C1orf232: variants seen among roughly 807,000 people sequenced by gnomAD.
C1orf232 encodes uncharacterized protein C1orf232.
A neutral mutation model predicts 12.1 loss-of-function variants in C1orf232; 10 were observed. The observed-to-expected ratio is 0.82, with a 90% CI of 0.51 to 1.40. The LOEUF is 1.40. C1orf232 is among the 40% of genes most tolerant of loss of function. C1orf232 has a pLI of 0.00. For missense variants in C1orf232, 88 were observed against 98.4 expected (o/e 0.89, Z 0.45); for synonymous variants, 36 against 39.8 (o/e 0.90, Z 0.36).
rs2088449522 is a variant in C1orf232 at position 26,168,480 on chromosome 1, T to C, written c.20A>G (p.Lys7Arg). 5.7e-6 allele frequency: 7 copies of C among 1,231,832 alleles called. No homozygotes were observed. In the South Asian group the frequency reaches 2.9e-4, roughly 51 times the overall value. 76.3% of individuals were successfully genotyped at this position (1,231,832 alleles called of 1,614,324 possible). Residue 7 changes from lysine (K) to arginine (R), a missense_variant, in exon 1 of 4, where the codon AAA becomes AGA. Coordinates refer to ENST00000634842, the MANE Select transcript of C1orf232 (RefSeq NM_001364669.2). ...CTGTAGCACTTTGGACTTGTAGGTT[T>C]TCCAGAAGGCCTGGTTCATGGCTGC... MNQAFWKTYKSKVLQTL... is the reference protein window; with the variant it reads MNQAFWRTYKSKVLQTL...
At chr1:26,166,920 AAAC>A (rs2088433708) in intron 1 of C1orf232, among the ~76,000 whole-genome samples, 1 of 152,174 alleles carries the variant, frequency 6.6e-6, no homozygotes, top group African/African-American at 2.4e-5. Flanking sequence ...TACACCATAC[AAAC>A]AACACCTGCA....
At chr1:26,166,813 A>G (rs1473773663) in intron 1 of C1orf232, among the ~76,000 whole-genome samples, 1 of 152,222 alleles carries the variant, frequency 6.6e-6, no homozygotes, top group Non-Finnish European at 1.5e-5. Flanking sequence ...CAGTTATATC[A>G]TTCACACCTG....
chr1:26,168,255 G>C (rs562556486), intron 1 of C1orf232, among the ~76,000 whole-genome samples, 161 bp downstream of exon 1: 22 of 152,234 alleles, frequency 1.4e-4, no homozygotes, highest in African/African-American at 5.1e-4. Context: ...TGAATGTCCT[G>C]GCTTTCTGAT....
chr1:26,166,387 C>T (rs1419539397), intron 1 of C1orf232, among the ~76,000 whole-genome samples: 2 of 151,998 alleles, frequency 1.3e-5, no homozygotes, highest in Non-Finnish European at 2.9e-5. Flanking sequence ...GGTGCGATCT[C>T]GGCTCACTGC....
At chr1:26,165,406 G>A (rs1234347106) in intron 3 of C1orf232, among the ~76,000 whole-genome samples, 2 of 152,138 alleles carry the variant, frequency 1.3e-5, no homozygotes, top group Non-Finnish European at 2.9e-5. Context: ...CCACACCAGC[G>A]AAATCGGAGT....
chr1:26,167,545 G>A (rs1448793475), intron 1 of C1orf232, among the ~76,000 whole-genome samples: 2 of 152,138 alleles, frequency 1.3e-5, no homozygotes, highest in Non-Finnish European at 2.9e-5. Flanking sequence ...GGCTGGTCTC[G>A]AACTCCTAAC....
At chr1:26,167,779 G>T (rs1266947605) in intron 1 of C1orf232, among the ~76,000 whole-genome samples, 2 of 151,992 alleles carry the variant, frequency 1.3e-5, no homozygotes, top group Admixed American at 1.3e-4. Context: ...ACGCCGCCAT[G>T]CCTGGCTACT....
rs2088400524 is a variant in C1orf232 at position 26,164,313 on chromosome 1, C to T, written c.409G>A (p.Glu137Lys). 2.5e-6 allele frequency: 1 copy of T among 397,712 alleles called. No individual in the cohort carries two copies. Among genetic ancestry groups the T allele is most frequent in the Non-Finnish European group, 4.4e-6 (1 of 225,430 alleles). The allele number at this position is 397,712 out of a possible 1,614,324, so 24.6% of individuals were successfully genotyped here. The change falls in exon 4 of 4, where the codon GAG becomes AAG. Residue 137 changes from glutamate (E) to lysine (K), a missense_variant. Physicochemically the swap from Glu to Lys is moderately conservative, Grantham distance 56 (BLOSUM62 1). Coordinates refer to ENST00000634842, the MANE Select transcript of C1orf232 (RefSeq NM_001364669.2). The surrounding 1 kb of genome is among the most constrained non-coding windows in gnomAD (Gnocchi z 4.2). ...TCGTCCGCGGGTTCGGGGTCCGGCT[C>T]CGGAGTGGGCTCGGTGCCGCGCAGC... is the stretch of plus-strand genomic sequence containing the variant. ...SMLRGTEPTP[E>K]PDPEPADEAA...
intron 1 of C1orf232, among the ~76,000 whole-genome samples, chr1:26,167,704 C>T (rs552435446): frequency 6.6e-6 from 1 of 152,292 alleles, no homozygotes; most frequent in African/African-American, 2.4e-5. Flanking sequence ...TCATTGCAAC[C>T]TCTGCCTCCC....
intron 3 of C1orf232, 149 bp downstream of exon 3, chr1:26,165,677 G>A: frequency 1.6e-6 from 2 of 1,215,056 alleles, no homozygotes; most frequent in Non-Finnish European, 2.1e-6. Context: ...GATTTGGCCT[G>A]TTTCCTGCTG....
At chr1:26,165,645 A>G in intron 3 of C1orf232, 181 bp downstream of exon 3, 9 of 1,083,242 alleles carry the variant, frequency 8.3e-6, no homozygotes, top group Non-Finnish European at 1.1e-5. Flanking sequence ...CCTGAGATTT[A>G]CCCTAATCTC....
intron 1 of C1orf232, among the ~76,000 whole-genome samples, chr1:26,166,681 T>A (rs1450254101): frequency 6.6e-6 from 1 of 152,118 alleles, no homozygotes; most frequent in Non-Finnish European, 1.5e-5. Flanking sequence ...CAAAAGCACG[T>A]GGACATGGGC....
At chr1:26,165,279 C>T (rs1368149244) in intron 3 of C1orf232, among the ~76,000 whole-genome samples, 1 of 151,968 alleles carries the variant, frequency 6.6e-6, no homozygotes, top group Non-Finnish European at 1.5e-5. Context: ...GACTGAGGTC[C>T]CAGGTCCCAC....
chr1:26,168,526 G>T lies in C1orf232; in HGVS notation c.-27C>A. 1 of 1,227,842 alleles carries T rather than the reference G, an allele frequency of 8.1e-7. No homozygotes were observed. The highest frequency in any genetic ancestry group is 4.1e-5 in the South Asian group (1 of 24,216). 76.1% of individuals were successfully genotyped at this position (1,227,842 alleles called of 1,614,324 possible). A position where few individuals can be genotyped will look rare whatever the true frequency, so the allele number is the denominator to read the frequency against. Reference sequence around the variant, plus strand: ...GCTGCAGGGGGAAGGGGCCTGGCACGCAAGCACAGGAAGGTGGTGGCTCAG... The same window carrying T: ...GCTGCAGGGGGAAGGGGCCTGGCACTCAAGCACAGGAAGGTGGTGGCTCAG... On this transcript the variant is annotated 5_prime_UTR_variant, in exon 1 of 4. Transcript: ENST00000634842.
intron 2 of C1orf232, 40 bp from the exon 3 acceptor site, chr1:26,165,963 A>T: frequency 8.1e-7 from 1 of 1,231,208 alleles, no homozygotes; most frequent in South Asian, 4.1e-5. Flanking sequence ...GGTCCAGCAC[A>T]ACCTCCCAGG....
chr1:26,167,522 G>T (rs1051958815), intron 1 of C1orf232, among the ~76,000 whole-genome samples: 2 of 151,970 alleles, frequency 1.3e-5, no homozygotes, highest in African/African-American at 2.4e-5. Flanking sequence ...GCAGGGTTTC[G>T]CCATGTTAGC....
chr1:26,166,623 AC>A (rs1364564969), intron 1 of C1orf232, among the ~76,000 whole-genome samples: 7 of 152,012 alleles, frequency 4.6e-5, no homozygotes, highest in Admixed American at 3.9e-4. Context: ...AGCTGCAGAC[AC>A]CCTTGAGCAC....
In C1orf232 at chr1:26,164,189, C is replaced by T. The variant is rs548257030; in HGVS notation, c.533G>A (p.Arg178Lys). ...GTCACCCTTGGGCGCAGCCTTCACC[C>T]TCATCTCGGCCAGTTTGTGAGTGAG... ...GFLTHKLAEM[R>K]VKAAPKGD Residue 178 changes from arginine to lysine, a missense_variant, in exon 4 of 4, where the codon AGG becomes AAG. Coordinates refer to ENST00000634842, the MANE Select transcript of C1orf232 (RefSeq NM_001364669.2). This position sits in a 1 kb window ranked among gnomAD's most constrained non-coding sequence, Gnocchi z 4.2. 5 of 398,524 alleles carry T rather than the reference C, an allele frequency of 1.3e-5. No individual in the cohort carries two copies. Among genetic ancestry groups the T allele is most frequent in the African/African-American group, 1.0e-4 (5 of 48,764 alleles). 24.7% of individuals were successfully genotyped at this position (398,524 alleles called of 1,614,324 possible). A position where few individuals can be genotyped will look rare whatever the true frequency, so the allele number is the denominator to read the frequency against.
chr1:26,165,378 T>C (rs772154949), intron 3 of C1orf232, among the ~76,000 whole-genome samples: 2 of 152,098 alleles, frequency 1.3e-5, no homozygotes, highest in Non-Finnish European at 2.9e-5. Context: ...AAAACATGGC[T>C]AGATCCCCAA....
Sources: gnomAD v4.1 joint callset for allele counts (sites outside exome capture counted in the v4.1 genomes callset) on GRCh38, gnomAD v4.1.1 for gene constraint, Gnocchi (gnomAD v3.1) non-coding constraint, MANE v1.5 for transcripts, NCBI Gene and HGNC (gene_info 2026-07-23, HGNC 2026-07-21) for gene names.